The following SDK1 variants were observed in gnomAD, a reference collection of about 807,000 sequenced individuals.
SDK1 encodes sidekick cell adhesion molecule 1, also known as protein sidekick-1.
A neutral mutation model predicts 245.5 loss-of-function variants in SDK1; 157 were observed. The ratio of observed to expected loss-of-function variants is 0.64; its 90% CI spans 0.56 to 0.73. SDK1 has a LOEUF of 0.73. Among genes scored for constraint, SDK1 ranks in the 30% least tolerant of loss-of-function variants. The pLI is 0.00. For missense variants in SDK1, 3,583 were observed against 3,002.3 expected (o/e 1.19, Z -4.52); for synonymous variants, 1,647 against 1,278.5 (o/e 1.29, Z -6.15).
At chr7:3,878,539 T>G (rs912808565) in intron 5 of SDK1, among the ~76,000 whole-genome samples, 1 of 152,040 alleles carries the variant, frequency 6.6e-6, no homozygotes, top group African/African-American at 2.4e-5. Flanking sequence ...TAAAATGAAA[T>G]AAATAAATAA....
intron 34 of SDK1, 26 bp downstream of exon 34, chr7:4,175,860 C>T (rs781229032): frequency 4.4e-6 from 7 of 1,604,576 alleles, no homozygotes; most frequent in African/African-American, 4.0e-5. Context: ...GCGGGAGGCC[C>T]ATGCCGCGAG....
At chr7:3,597,743 A>G (rs1186692536) in intron 1 of SDK1, among the ~76,000 whole-genome samples, 1 of 152,182 alleles carries the variant, frequency 6.6e-6, no homozygotes, top group Non-Finnish European at 1.5e-5. Flanking sequence ...TTGTTGGACA[A>G]TACAGTACAG....
chr7:4,022,866 T>A (rs1787024908), intron 17 of SDK1, among the ~76,000 whole-genome samples: 1 of 150,300 alleles, frequency 6.7e-6, no homozygotes. Flanking sequence ...CTCCACCTCC[T>A]GGGTTCACGC....
At chr7:3,454,905 CA>C (rs1253857504) in intron 1 of SDK1, among the ~76,000 whole-genome samples, 12 of 152,166 alleles carry the variant, frequency 7.9e-5, no homozygotes, top group Non-Finnish European at 1.6e-4. Context: ...AAGAAACTGC[CA>C]AACTATTTTC....
At chr7:3,792,857 C>T (rs1053065803) in intron 4 of SDK1, among the ~76,000 whole-genome samples, 1 of 152,198 alleles carries the variant, frequency 6.6e-6, no homozygotes, top group African/African-American at 2.4e-5. Context: ...TTGATGGTTC[C>T]TGCCTACAGT....
At chr7:4,162,751 C>G (rs1237846656) in intron 32 of SDK1, among the ~76,000 whole-genome samples, 1 of 152,190 alleles carries the variant, frequency 6.6e-6, no homozygotes, top group African/African-American at 2.4e-5. Flanking sequence ...AAGGCATATT[C>G]TTCCAGATAA....
chr7:3,317,671 G>A (rs907811636), intron 1 of SDK1, among the ~76,000 whole-genome samples: 1 of 152,128 alleles, frequency 6.6e-6, no homozygotes, highest in Non-Finnish European at 1.5e-5. Flanking sequence ...ACAGGAGCTG[G>A]TTTTTCCTTG....
intron 5 of SDK1, among the ~76,000 whole-genome samples, chr7:3,847,053 G>A (rs959043274): frequency 4.0e-5 from 6 of 151,834 alleles, no homozygotes; most frequent in Admixed American, 1.3e-4. Flanking sequence ...GTGTAATCAC[G>A]CTTCTTTTTT....
chr7:3,614,083 T>G (rs76814527), intron 1 of SDK1, among the ~76,000 whole-genome samples: 4,585 of 152,228 alleles, frequency 0.03, 204 homozygotes, highest in African/African-American at 0.099. Flanking sequence ...AGCACAAGTT[T>G]ACCTATGTAA....
chr7:4,164,406 C>A (rs570050802), intron 32 of SDK1, among the ~76,000 whole-genome samples: 2 of 152,238 alleles, frequency 1.3e-5, no homozygotes, highest in African/African-American at 4.8e-5. Flanking sequence ...CCGCTAGACC[C>A]CCAGACCCGA....
chr7:3,505,256 C>T (rs1406763659), intron 1 of SDK1, among the ~76,000 whole-genome samples: 1 of 151,804 alleles, frequency 6.6e-6, no homozygotes, highest in South Asian at 2.1e-4. Context: ...ATTTATTGTT[C>T]AACTGACTGA....
rs149343471 is a variant in SDK1, at chr7:4,259,662, G to C, written c.6382-5462G>C. ...ATTCACACTGAATAGCCCTACATCA[G>C]CTCACCTAGGGGTAAGCTGCCAGGT... On this transcript the variant is annotated intron_variant, in intron 44 of 44. Coordinates refer to ENST00000404826, the MANE Select transcript of SDK1 (RefSeq NM_152744.4). Among the ~76,000 whole-genome samples the C allele has an allele frequency of 5.2e-4, 79 of 152,288 alleles. 1 individual carries two copies. The highest frequency in any genetic ancestry group is 1.8e-3 in the African/African-American group (75 of 41,548).
chr7:3,758,650 G>A (rs909350655), intron 4 of SDK1, among the ~76,000 whole-genome samples: 2 of 152,170 alleles, frequency 1.3e-5, no homozygotes, highest in Admixed American at 1.3e-4. Context: ...ACTCTGCACT[G>A]TGAGATCCTC....
At chr7:3,450,250 C>T (rs534814088) in intron 1 of SDK1, among the ~76,000 whole-genome samples, 1 of 152,284 alleles carries the variant, frequency 6.6e-6, no homozygotes, top group South Asian at 2.1e-4. Flanking sequence ...AGACCTCTTA[C>T]CCCAAACTAA....
At chr7:4,100,273 C>T (rs577897663) in intron 22 of SDK1, among the ~76,000 whole-genome samples, 1 of 152,248 alleles carries the variant, frequency 6.6e-6, no homozygotes, top group South Asian at 2.1e-4. Context: ...GCCCTGGGCT[C>T]CTAGGGCAGG....
At chr7:3,914,553 A>G (rs1160518670) in intron 5 of SDK1, among the ~76,000 whole-genome samples, 1 of 152,334 alleles carries the variant, frequency 6.6e-6, no homozygotes, top group East Asian at 1.9e-4. Context: ...TGCTGAAGCT[A>G]TTTTTAAAAA....
chr7:4,219,902 T>G (rs1405051364), intron 38 of SDK1, among the ~76,000 whole-genome samples: 1 of 151,862 alleles, frequency 6.6e-6, no homozygotes, highest in Non-Finnish European at 1.5e-5. Context: ...GTTTTCTTTG[T>G]CAGCACCCAC....
At chr7:3,948,793 A>G (rs1780679126) in intron 5 of SDK1, among the ~76,000 whole-genome samples, 2 of 152,188 alleles carry the variant, frequency 1.3e-5, no homozygotes, top group South Asian at 4.1e-4. Context: ...CCCAAGGACC[A>G]TTCTCCTCAG....
chr7:4,185,707 A>G (rs181606253), intron 35 of SDK1, among the ~76,000 whole-genome samples: 6 of 152,294 alleles, frequency 3.9e-5, no homozygotes, highest in Admixed American at 3.9e-4. Context: ...CCACCTGAGG[A>G]CAGGTCTTTT....
Sources: gnomAD v4.1 joint callset for allele counts (sites outside exome capture counted in the v4.1 genomes callset) on GRCh38, gnomAD v4.1.1 for gene constraint, MANE v1.5 for transcripts, NCBI Gene and HGNC (gene_info 2026-07-23, HGNC 2026-07-21) for gene names.